SPRED2: variants seen among roughly 807,000 people sequenced by gnomAD.
The protein encoded by SPRED2 is sprouty-related, EVH1 domain-containing protein 2.
SPRED2 carries 47 observed loss-of-function variants against 43.0 expected under a neutral mutation model. That is an observed-to-expected ratio of 1.09 (90% confidence interval 0.87 to 1.40). The LOEUF (loss-of-function observed/expected upper bound fraction) is 1.40. Ranked by LOEUF, SPRED2 falls within the 40% of genes most tolerant of loss-of-function variation. SPRED2 has a pLI of 0.00. For synonymous variants in SPRED2, 225 were observed against 225.7 expected (o/e 1.00, Z 0.03); for missense variants, 561 against 586.4 (o/e 0.96, Z 0.45).
chr2:65,366,385 A>T (rs549578254), intron 1 of SPRED2, among the ~76,000 whole-genome samples: 1 of 152,328 alleles, frequency 6.6e-6, no homozygotes, highest in Admixed American at 6.5e-5. Flanking sequence ...ATGAGAGGCT[A>T]AGAGCTCTGT....
intron 1 of SPRED2, among the ~76,000 whole-genome samples, chr2:65,398,909 G>A (rs1675817246): frequency 6.6e-6 from 1 of 152,214 alleles, no homozygotes; most frequent in African/African-American, 2.4e-5. Context: ...TCACATTCAT[G>A]TTTATAGAAG....
At chr2:65,341,394 G>A (rs1318516792) in intron 2 of SPRED2, among the ~76,000 whole-genome samples, 1 of 152,094 alleles carries the variant, frequency 6.6e-6, no homozygotes, top group Non-Finnish European at 1.5e-5. Context: ...ACACTTTTAG[G>A]ATAGTGCAAT....
chr2:65,390,547 C>A (rs1675609315), intron 1 of SPRED2, among the ~76,000 whole-genome samples: 1 of 152,092 alleles, frequency 6.6e-6, no homozygotes, highest in African/African-American at 2.4e-5. Flanking sequence ...TCCGAACTGC[C>A]TGAGTTCAAA....
At chr2:65,315,320 G>C (rs1558646063) in intron 5 of SPRED2, among the ~76,000 whole-genome samples, 1 of 152,174 alleles carries the variant, frequency 6.6e-6, no homozygotes. Flanking sequence ...TGAGAATGAA[G>C]AGAAACAATC....
intron 1 of SPRED2, among the ~76,000 whole-genome samples, chr2:65,421,644 A>C (rs896113558): frequency 7.9e-5 from 12 of 152,188 alleles, no homozygotes; most frequent in African/African-American, 2.7e-4. Context: ...TTTCCAAAAC[A>C]AGTATTTGTA....
intron 1 of SPRED2, among the ~76,000 whole-genome samples, chr2:65,398,660 A>G (rs1300741380): frequency 6.6e-6 from 1 of 152,248 alleles, no homozygotes; most frequent in Admixed American, 6.5e-5. Flanking sequence ...AATCAAAACC[A>G]CAATGAGATA....
intron 1 of SPRED2, chr2:65,366,523 G>A (rs1156284428): frequency 1.3e-6 from 2 of 1,485,440 alleles, no homozygotes; most frequent in African/African-American, 2.8e-5. Context: ...CTAAAAGCAG[G>A]CACCAGAAAG....
At chr2:65,327,709 CTTTCTTTTTTTTTT>C (rs1673672418) in intron 4 of SPRED2, among the ~76,000 whole-genome samples, 2 of 115,454 alleles carry the variant, frequency 1.7e-5, no homozygotes, top group African/African-American at 6.6e-5. Context: ...TCTTTTCTTT[CTTTCTTTTTTTTTT>C]TTTTTTTTTT....
chr2:65,384,824 C>G (rs1675454048), intron 1 of SPRED2, among the ~76,000 whole-genome samples: 1 of 152,194 alleles, frequency 6.6e-6, no homozygotes, highest in Non-Finnish European at 1.5e-5. Context: ...CTCATGCACA[C>G]CTCGATTCAC....
At chr2:65,379,677 T>C (rs543278562) in intron 1 of SPRED2, among the ~76,000 whole-genome samples, 2 of 152,244 alleles carry the variant, frequency 1.3e-5, no homozygotes, top group African/African-American at 4.8e-5. Flanking sequence ...TCATGAAACC[T>C]TAGTTACTAT....
rs748586468 is a variant in SPRED2, at chr2:65,313,669, G to A, written c.1089C>T (p.Asp363=). The A allele has an allele frequency of 6.2e-6, 10 of 1,614,070 alleles. No homozygotes were observed. The Admixed American group carries it at 1.7e-4, about 27-fold the overall frequency. The change falls in exon 6 of 6, where the codon GAC becomes GAT. Residue 363 remains aspartate (D), a synonymous_variant. Coordinates refer to ENST00000356388, the MANE Select transcript of SPRED2 (RefSeq NM_181784.3). ...CMSDPEGDYT[D]PCSCDTSDEK... ...CGTCGCTAGTATCGCACGAGCAAGGGTCTGTATAGTCTCCCTCGGGGTCCG... is the reference window on the plus strand; with the variant it reads ...CGTCGCTAGTATCGCACGAGCAAGGATCTGTATAGTCTCCCTCGGGGTCCG...
intron 1 of SPRED2, among the ~76,000 whole-genome samples, chr2:65,385,378 T>C (rs1016265744): frequency 6.6e-6 from 1 of 152,226 alleles, no homozygotes; most frequent in African/African-American, 2.4e-5. Flanking sequence ...TAAGAGGAGA[T>C]GCCCACGCCC....
intron 1 of SPRED2, among the ~76,000 whole-genome samples, chr2:65,393,336 T>TC (rs1313612707): frequency 2.6e-5 from 4 of 150,990 alleles, no homozygotes; most frequent in African/African-American, 9.8e-5. Flanking sequence ...CTTTTTTTTT[T>TC]TTTTCTTTTT....
At chr2:65,411,293 C>T (rs116375382) in intron 1 of SPRED2, among the ~76,000 whole-genome samples, 3,059 of 152,242 alleles carry the variant, frequency 0.02, 112 homozygotes, top group African/African-American at 0.07. Flanking sequence ...TGAGGGACAC[C>T]GAGCCTCTCT....
chr2:65,315,171 C>T (rs1362027864), intron 5 of SPRED2, among the ~76,000 whole-genome samples: 1 of 152,210 alleles, frequency 6.6e-6, no homozygotes, highest in African/African-American at 2.4e-5. Flanking sequence ...TTCTTGCTTT[C>T]GAAGTCCTTT....
chr2:65,310,652 TC>T (rs1302865800), downstream of SPRED2, among the ~76,000 whole-genome samples: 2 of 152,054 alleles, frequency 1.3e-5, no homozygotes, highest in African/African-American at 2.4e-5. Context: ...CACTGAGGCA[TC>T]CGAGCCCAAG....
intron 1 of SPRED2, among the ~76,000 whole-genome samples, chr2:65,408,256 G>C (rs1021500189): frequency 6.6e-6 from 1 of 152,146 alleles, no homozygotes. Flanking sequence ...ACACTGCTGC[G>C]GACACTTTCA....
intron 1 of SPRED2, among the ~76,000 whole-genome samples, chr2:65,408,303 CTA>C (rs1191045659): frequency 6.6e-6 from 1 of 152,192 alleles, no homozygotes; most frequent in Non-Finnish European, 1.5e-5. Context: ...AAGCCTCATA[CTA>C]TGAGTCCTAT....
intron 1 of SPRED2, chr2:65,366,654 A>G: frequency 6.5e-7 from 1 of 1,544,982 alleles, no homozygotes. Flanking sequence ...CATTATTGCT[A>G]CTATAAAGCT....
Sources: gnomAD v4.1 joint callset for allele counts (sites outside exome capture counted in the v4.1 genomes callset) on GRCh38, gnomAD v4.1.1 for gene constraint, MANE v1.5 for transcripts, NCBI Gene and HGNC (gene_info 2026-07-23, HGNC 2026-07-21) for gene names.